Variants in MAP3K15 observed in about 807,000 individuals in gnomAD.
The protein encoded by MAP3K15 is MAPK/ERK kinase kinase 15.
A neutral mutation model predicts 99.5 loss-of-function variants in MAP3K15; 124 were observed. That is an observed-to-expected ratio of 1.25 (90% CI 1.08 to 1.45). The LOEUF is 1.45. Ranked by LOEUF, MAP3K15 falls within the 40% of genes most tolerant of loss-of-function variation. The probability of loss-of-function intolerance (pLI) is 0.00; values close to 1 mark genes in which losing one functional copy is unlikely to be tolerated. For synonymous variants in MAP3K15, 494 were observed against 439.6 expected (o/e 1.12, Z -1.55); for missense variants, 1,242 against 1,079.7 (o/e 1.15, Z -2.11).
intron 9 of MAP3K15, among the ~76,000 whole-genome samples, chrX:19,419,873 T>G (rs930116554): frequency 3.6e-5 from 4 of 111,951 alleles, no homozygotes; most frequent in African/African-American, 6.5e-5. Flanking sequence ...CTAGTACTCA[T>G]GATTAAGAAA....
chrX:19,376,267 G>A (rs2063416524), intron 19 of MAP3K15, among the ~76,000 whole-genome samples: 1 of 110,655 alleles, frequency 9.0e-6, no homozygotes, highest in African/African-American at 3.3e-5. Flanking sequence ...GGTAGGGCCA[G>A]GGACTCCTGA....
At chrX:19,490,241 C>A (rs926716722) in intron 1 of MAP3K15, among the ~76,000 whole-genome samples, 2 of 109,945 alleles carry the variant, frequency 1.8e-5, no homozygotes, top group African/African-American at 6.6e-5. Flanking sequence ...CTTTGAACTT[C>A]ATATAAATGG....
At chrX:19,399,334 G>A (rs2147257979) in intron 14 of MAP3K15, among the ~76,000 whole-genome samples, 1 of 110,349 alleles carries the variant, frequency 9.1e-6, no homozygotes, top group African/African-American at 3.3e-5. Context: ...AGGCCGAGGC[G>A]AGTAGACCAC....
At chrX:19,374,423 C>T (rs975138476) in intron 20 of MAP3K15, 54 bp downstream of exon 20, 33 of 1,110,246 alleles carry the variant, frequency 3.0e-5, no homozygotes, top group African/African-American at 1.6e-4. Context: ...AGAAGCCCAG[C>T]GCCCAGCATT....
intron 19 of MAP3K15, 113 bp downstream of exon 19, chrX:19,380,007 A>C: frequency 2.4e-6 from 2 of 840,707 alleles, no homozygotes; most frequent in Non-Finnish European, 3.2e-6. Flanking sequence ...CCAATAATAA[A>C]ACTGTTTCCT....
chrX:19,464,149 C>T, intron 4 of MAP3K15, 64 bp downstream of exon 4: 1 of 983,994 alleles, frequency 1.0e-6, no homozygotes. Context: ...TGTACCGCTT[C>T]CCTGAAAGAA....
chrX:19,514,946 G>C lies in MAP3K15; in HGVS notation c.316C>G (p.Leu106Val). The change falls in exon 1 of 29, where the codon CTG (leucine) becomes GTG (valine). Residue 106 changes from leucine to valine, a missense_variant. Coordinates refer to ENST00000338883, the MANE Select transcript of MAP3K15 (RefSeq NM_001001671.4). ...AGCACGGCCGTCTCCCCGAAGTCCA[G>C]CTCCCCGAAGGGCACGGAGGTGAGG... ...AHLTSVPFGE[L>V]DFGETAVLDA... is the part of the protein sequence containing the mutation. 1 of 1,151,357 alleles carries C rather than the reference G, an allele frequency of 8.7e-7. No individual in the cohort carries two copies. The allele number at this position is 1,151,357 out of a possible 1,213,427, so 94.9% of individuals were successfully genotyped here. A position where few individuals can be genotyped will look rare whatever the true frequency, so the allele number is the denominator to read the frequency against.
chrX:19,405,062 G>A (rs868727569), intron 13 of MAP3K15, among the ~76,000 whole-genome samples: 2 of 103,947 alleles, frequency 1.9e-5, no homozygotes, highest in African/African-American at 4.2e-5. Context: ...TGATACCATC[G>A]AGAGAGTGAA....
At position 19,435,235 on chromosome X, in the gene MAP3K15, T is replaced by C. The variant is rs1325440197; in HGVS notation, c.996-3627A>G. 5.5e-5 allele frequency among the ~76,000 whole-genome samples: 6 copies of C among 109,703 alleles called. No homozygotes were observed. In the East Asian group the frequency reaches 1.7e-3, roughly 31 times the overall value. ...ACTCAATAAACTCACTTGAATGCTT[T>C]TTTTTTTTTTTTCTCTTTGAGACAG... On this transcript the variant is annotated intron_variant, in intron 6 of 28. Coordinates refer to ENST00000338883, the MANE Select transcript of MAP3K15 (RefSeq NM_001001671.4).
chrX:19,431,003 C>G (rs1405407910), intron 7 of MAP3K15, among the ~76,000 whole-genome samples: 1 of 111,985 alleles, frequency 8.9e-6, no homozygotes, highest in Non-Finnish European at 1.9e-5. Flanking sequence ...GCAAGGCCCC[C>G]AAGGGCAGGA....
Position 19,464,329 on chromosome X carries a change from G to T in MAP3K15, c.603C>A (p.Ala201=), listed in dbSNP as rs368205849. The T allele has an allele frequency of 7.2e-5, 86 of 1,196,572 alleles. No individual in the cohort carries two copies. In the African/African-American group the frequency reaches 1.5e-3, roughly 21 times the overall value. ...CADYFCCESD[A]QRRASEYMQP... is the part of the protein sequence containing the mutation. Reference sequence around the variant, plus strand: ...GCATGTACTCGGAGGCTCGTCTCTGGGCATCACTCTCGCAGCAAAAATAAT... The same window carrying T: ...GCATGTACTCGGAGGCTCGTCTCTGTGCATCACTCTCGCAGCAAAAATAAT... The change falls in exon 4 of 29, where the codon GCC becomes GCA. Residue 201 remains alanine, a synonymous_variant. Coordinates refer to ENST00000338883, the MANE Select transcript of MAP3K15 (RefSeq NM_001001671.4).
intron 6 of MAP3K15, among the ~76,000 whole-genome samples, chrX:19,450,277 A>C (rs1349617003): frequency 2.7e-5 from 3 of 109,137 alleles, no homozygotes; most frequent in East Asian, 2.8e-4. Context: ...TTGAGCCCAG[A>C]AAGTCAAGGT....
chrX:19,423,142 G>A (rs779828444), intron 9 of MAP3K15, among the ~76,000 whole-genome samples: 6 of 109,590 alleles, frequency 5.5e-5, no homozygotes, highest in East Asian at 2.9e-4. Flanking sequence ...TAACCTGCAC[G>A]TTGTGCACAT....
chrX:19,464,538 G>C (rs1180181879), intron 3 of MAP3K15, 132 bp from the exon 4 acceptor site: 1 of 460,662 alleles, frequency 2.2e-6, no homozygotes, highest in Non-Finnish European at 3.6e-6. Context: ...ATACGACTAT[G>C]GATCTATTAG....
At chrX:19,478,168 G>C (rs1166534478) in intron 3 of MAP3K15, among the ~76,000 whole-genome samples, 2 of 32,286 alleles carry the variant, frequency 6.2e-5, no homozygotes, top group Non-Finnish European at 1.1e-4. Flanking sequence ...GGGAGGGTAA[G>C]GGGGAGAGAG....
chrX:19,413,501 T>C (rs1299452322), intron 10 of MAP3K15, 37 bp from the exon 11 acceptor site: 1 of 1,032,458 alleles, frequency 9.7e-7, no homozygotes, highest in Admixed American at 2.4e-5. Flanking sequence ...CGTACATGGG[T>C]AGAAAACATA....
chrX:19,402,524 T>C (rs1281445853), intron 13 of MAP3K15, among the ~76,000 whole-genome samples: 1 of 111,466 alleles, frequency 9.0e-6, no homozygotes, highest in Non-Finnish European at 1.9e-5. Context: ...TATATAAGAA[T>C]GTTCATAGTC....
chrX:19,382,361 T>C (rs958302813), intron 18 of MAP3K15, among the ~76,000 whole-genome samples: 1 of 110,867 alleles, frequency 9.0e-6, no homozygotes, highest in Non-Finnish European at 1.9e-5. Flanking sequence ...TAGCATTCTT[T>C]AAATACTCTA....
chrX:19,476,852 C>A lies in MAP3K15; in HGVS notation c.525+9630G>T, dbSNP rs768925979. ...ACAAAGTCACAGGATTATTTCAGAG[C>A]TGGCACAAATCTCAAAAGTCACCTC... is the stretch of plus-strand genomic sequence containing the variant. On this transcript the variant is annotated intron_variant, in intron 3 of 28. Coordinates refer to ENST00000338883, the MANE Select transcript of MAP3K15 (RefSeq NM_001001671.4). Among the ~76,000 whole-genome samples the A allele has an allele frequency of 2.3e-3, 261 of 111,720 alleles. 1 individual carries two copies. The highest frequency in any genetic ancestry group is 6.0e-3 in the South Asian group (16 of 2,663).
Sources: gnomAD v4.1 joint callset for allele counts (sites outside exome capture counted in the v4.1 genomes callset) on GRCh38, gnomAD v4.1.1 for gene constraint, MANE v1.5 for transcripts, NCBI Gene and HGNC (gene_info 2026-07-23, HGNC 2026-07-21) for gene names.